Variants in PIEZO1 observed in about 807,000 individuals in gnomAD.
PIEZO1 encodes the protein piezo-type mechanosensitive ion channel component 1.
PIEZO1 carries 296 observed loss-of-function variants against 297.2 expected under a neutral mutation model. The observed-to-expected ratio is 1.00, with a 90% CI of 0.91 to 1.10. The LOEUF is 1.10. PIEZO1 is among the 50% of genes least tolerant of loss of function. The probability of loss-of-function intolerance (pLI) is 0.00; values close to 1 mark genes in which losing one functional copy is unlikely to be tolerated. For missense variants in PIEZO1, 5,018 were observed against 3,455.5 expected, an observed-to-expected ratio of 1.45 and a Z score of -11.34; for synonymous variants, 2,427 against 1,507.5, an observed-to-expected ratio of 1.61 and a Z score of -14.13.
At chr16:88,777,042 G>T (rs1270214291) in intron 1 of PIEZO1, among the ~76,000 whole-genome samples, 3 of 151,754 alleles carry the variant, frequency 2.0e-5, no homozygotes, top group African/African-American at 4.9e-5. Context: ...GTGTGATCTC[G>T]GCTCACTGCA....
intron 44 of PIEZO1, chr16:88,717,626 C>G (rs754506147): frequency 2.2e-6 from 1 of 459,268 alleles, no homozygotes; most frequent in South Asian, 1.6e-5. Context: ...CTGGATTTGG[C>G]GAAGGAAACA....
Position 88,715,463 on chromosome 16 carries a change from G to A in PIEZO1, c.*142C>T. 1.0e-6 allele frequency: 1 copy of A among 1,003,180 alleles called. No homozygotes were observed. The highest frequency in any genetic ancestry group is 1.5e-6 in the Non-Finnish European group (1 of 689,370). The allele number at this position is 1,003,180 out of a possible 1,614,324, so 62.1% of individuals were successfully genotyped here. On this transcript the variant is annotated 3_prime_UTR_variant, in exon 51 of 51. Coordinates refer to ENST00000301015, the MANE Select transcript of PIEZO1 (RefSeq NM_001142864.4). ...GTGTCCTTCTCTGACAGCAGCATCA[G>A]GGCTCAGGCAGGCCGGGAGGATGCA...
At position 88,721,987 on chromosome 16, in the gene PIEZO1, C is replaced by A. The variant is rs772479622; in HGVS notation, c.5035G>T (p.Val1679Leu). 9.7e-6 allele frequency: 15 copies of A among 1,549,566 alleles called. No individual in the cohort carries two copies. In the African/African-American group the frequency reaches 1.6e-4, roughly 17 times the overall value. The part of the protein sequence containing the change: ...QGRALRLLRA[V>L]YQCVAAHSEL... ...GAGTGGGCGGCCACACACTGGTACA[C>A]GGCCCGCAGCAGCCGCAGCGCCCGG... Residue 1679 changes from valine (V) to leucine (L), a missense_variant, in exon 37 of 51, where the codon GTG becomes TTG. Physicochemically the swap from Val to Leu is conservative, Grantham distance 32. Transcript: ENST00000301015.
chr16:88,748,048 C>T (rs8062812), intron 2 of PIEZO1, among the ~76,000 whole-genome samples: 19,934 of 152,216 alleles, frequency 0.13, 1,449 homozygotes, highest in Non-Finnish European at 0.17. Context: ...CCCAGAAGGG[C>T]GGCACCCAAG....
At chr16:88,723,806 C>A in intron 31 of PIEZO1, 65 bp downstream of exon 31, 1 of 875,150 alleles carries the variant, frequency 1.1e-6, no homozygotes, top group East Asian at 2.6e-5. Context: ...ACCCTCTATG[C>A]TGCCCTGGTC....
At chr16:88,748,408 C>G (rs902534046) in intron 2 of PIEZO1, among the ~76,000 whole-genome samples, 2 of 152,266 alleles carry the variant, frequency 1.3e-5, no homozygotes, top group Non-Finnish European at 2.9e-5. Flanking sequence ...CCTCACCGCC[C>G]TCTGTTTGGA....
In PIEZO1 at chr16:88,733,793, G is replaced by T. The variant is rs568874492; in HGVS notation, c.2330-48C>A. ...GCGGGGCACAAACGGGGATTCCCGG[G>T]TCCCCTGTGAGGAAGAGGCTCTGGA... On this transcript the variant is annotated intron_variant, in intron 17 of 50. Transcript: ENST00000301015. The T allele has an allele frequency of 1.8e-5, 26 of 1,483,118 alleles. No individual in the cohort carries two copies. The East Asian group carries it at 6.0e-4, about 34-fold the overall frequency. The allele number at this position is 1,483,118 out of a possible 1,614,324, so 91.9% of individuals were successfully genotyped here. A position where few individuals can be genotyped will look rare whatever the true frequency, so the allele number is the denominator to read the frequency against.
chr16:88,754,953 G>T (rs1906579663), intron 1 of PIEZO1, among the ~76,000 whole-genome samples: 1 of 152,256 alleles, frequency 6.6e-6, no homozygotes, highest in Non-Finnish European at 1.5e-5. Context: ...TGGGGCCCCA[G>T]GCCCAGCAGC....
At position 88,722,993 on chromosome 16, in the gene PIEZO1, C is replaced by T. The variant is rs1222791793; in HGVS notation, c.4512G>A (p.Val1504=). 3.2e-6 allele frequency: 5 copies of T among 1,546,950 alleles called. No individual in the cohort carries two copies. Among genetic ancestry groups the T allele is most frequent in the East Asian group, 2.4e-5 (1 of 40,904 alleles). Residue 1504 remains valine, a synonymous_variant, in exon 34 of 51, where the codon GTG becomes GTA. Transcript: ENST00000301015. The stretch of plus-strand genomic sequence containing the variant: ...ACTGCGCCGTGCTCAGCACCCTCTG[C>T]ACCACATGGCTCCGGCCTGCGGGAG... ...EEAAAGRSHV[V]QRVLSTAQFL...
Position 88,732,362 on chromosome 16 carries a change from G to T in PIEZO1, c.2964C>A (p.Asn988Lys). Residue 988 changes from asparagine (N) to lysine (K), a missense_variant, in exon 21 of 51, where the codon AAC becomes AAA. Asn to Lys is a moderately conservative substitution (Grantham distance 94). Transcript: ENST00000301015. Reference protein sequence around the residue: ...DLLGCLKYFINFFFYKFGLEI... With the variant: ...DLLGCLKYFIKFFFYKFGLEI... ...CCAGCCCGAATTTGTAGAAGAAGAA[G>T]TTGATGAAGTACTTGAGGCAGCCGA... The T allele has an allele frequency of 6.5e-7, 1 of 1,549,642 alleles. No homozygotes were observed. The highest frequency in any genetic ancestry group is 8.7e-7 in the Non-Finnish European group (1 of 1,146,438).
In PIEZO1 at chr16:88,733,681, G is replaced by A. The variant is rs1389308555; in HGVS notation, c.2394C>T (p.Val798=). 1.3e-6 allele frequency: 2 copies of A among 1,549,454 alleles called. No individual in the cohort carries two copies. Among genetic ancestry groups the A allele is most frequent in the Admixed American group, 2.0e-5 (1 of 50,874 alleles). Residue 798 remains valine (V), a synonymous_variant, in exon 18 of 51, where the codon GTC becomes GTT. Coordinates refer to ENST00000301015, the MANE Select transcript of PIEZO1 (RefSeq NM_001142864.4). ...GCAGGAACACCTGCACGCGTGAGAG[G>A]ACGTCCGAGAAGCCGGCTGCCAGCT... is the stretch of plus-strand genomic sequence containing the variant. ...LLELAAGFSD[V]LSRVQVFLRR...
At chr16:88,726,135 C>A in intron 27 of PIEZO1, 149 bp downstream of exon 27, 1 of 662,198 alleles carries the variant, frequency 1.5e-6, no homozygotes, top group Non-Finnish European at 2.5e-6. Context: ...ATCTGCCGGC[C>A]TTCATTCTCC....
intron 1 of PIEZO1, among the ~76,000 whole-genome samples, chr16:88,776,174 C>T (rs1247192010): frequency 6.6e-6 from 1 of 152,250 alleles, no homozygotes; most frequent in African/African-American, 2.4e-5. Context: ...GTGGCTCACG[C>T]CTGTCATCCC....
chr16:88,716,278 C>T lies in PIEZO1; in HGVS notation c.7050-1G>A. 3 of 1,490,490 alleles carry T rather than the reference C, an allele frequency of 2.0e-6. No homozygotes were observed. The highest frequency in any genetic ancestry group is 2.7e-6 in the Non-Finnish European group (3 of 1,114,714). The allele number at this position is 1,490,490 out of a possible 1,614,324, so 92.3% of individuals were successfully genotyped here. The stretch of plus-strand genomic sequence containing the variant: ...CTTGGGGAAGAGATTAGGGATGACC[C>T]TGCAGGGAGGTGCTGGCAGGTCAGG... On this transcript the variant is annotated splice_acceptor_variant, in intron 48 of 50. Transcript: ENST00000301015. LOFTEE classifies it high-confidence loss of function.
rs11648555 is a variant in PIEZO1, at chr16:88,742,510, C to A, written c.161-88G>T. On this transcript the variant is annotated intron_variant, in intron 2 of 50. Coordinates refer to ENST00000301015, the MANE Select transcript of PIEZO1 (RefSeq NM_001142864.4). Reference sequence around the variant, plus strand: ...CTCAGCCGGACAATAGCCCCCAGCCCGGCCAGAGCCCAGAGGCCTGAGATG... The same window carrying A: ...CTCAGCCGGACAATAGCCCCCAGCCAGGCCAGAGCCCAGAGGCCTGAGATG... The A allele has an allele frequency of 0.66, 927,355 of 1,408,196 alleles. 310,977 individuals are homozygous for A. The highest frequency in any genetic ancestry group is 0.7 in the Non-Finnish European group (731,668 of 1,050,566). The allele number at this position is 1,408,196 out of a possible 1,614,324, so 87.2% of individuals were successfully genotyped here.
intron 10 of PIEZO1, 48 bp downstream of exon 10, chr16:88,737,511 C>T (rs757516989): frequency 6.0e-6 from 8 of 1,327,810 alleles, no homozygotes; most frequent in African/African-American, 3.1e-5. Flanking sequence ...CACCGGCCTC[C>T]GCCCCGCCCC....
Position 88,715,726 on chromosome 16 carries a change from T to C in PIEZO1, c.7445A>G (p.Gln2482Arg), listed in dbSNP as rs1257015462. The C allele has an allele frequency of 2.6e-6, 4 of 1,550,446 alleles. No homozygotes were observed. Among genetic ancestry groups the C allele is most frequent in the Non-Finnish European group, 3.5e-6 (4 of 1,146,974 alleles). The change falls in exon 51 of 51, where the codon CAG becomes CGG. Residue 2482 changes from glutamine (Q) to arginine (R), a missense_variant. By Grantham distance (43) the Gln-to-Arg change is conservative. Transcript: ENST00000301015. ...AGTCTCCCGCACCAGGAAGATGTCC[T>C]GGCAGAGCTTGAGGATGCGGTCCAC... ...PCVDRILKLC[Q>R]DIFLVRETRE... is the part of the protein sequence containing the mutation.
chr16:88,777,682 A>C (rs1045568862), intron 1 of PIEZO1, among the ~76,000 whole-genome samples: 6 of 152,250 alleles, frequency 3.9e-5, no homozygotes, highest in African/African-American at 1.4e-4. Flanking sequence ...AAATCAAGTA[A>C]ATGAGGGAGC....
At chr16:88,763,325 C>T (rs113756570) in intron 1 of PIEZO1, among the ~76,000 whole-genome samples, 12 of 152,160 alleles carry the variant, frequency 7.9e-5, no homozygotes, top group Admixed American at 6.5e-4. Context: ...TGAGCAGAAC[C>T]GGCTCCAGAC....
Sources: allele counts gnomAD v4.1 joint callset (sites outside exome capture counted in the v4.1 genomes callset), GRCh38; gene constraint gnomAD v4.1.1; transcripts MANE v1.5; gene names NCBI Gene and HGNC (gene_info 2026-07-23, HGNC 2026-07-21).